Variants in LINGO1 observed in about 807,000 individuals in gnomAD.
The protein encoded by LINGO1 is leucine rich repeat and Ig domain containing 1.
A neutral mutation model predicts 37.3 loss-of-function variants in LINGO1; 11 were observed. The observed-to-expected ratio is 0.29, with a 90% CI of 0.19 to 0.49. The LOEUF (loss-of-function observed/expected upper bound fraction) is 0.49, where lower values mean the gene tolerates loss of function less well. Among genes scored for constraint, LINGO1 ranks in the 20% least tolerant of loss-of-function variants. The pLI, the probability that LINGO1 is intolerant of heterozygous loss-of-function variation, is 0.99. For missense variants in LINGO1, 585 were observed against 878.2 expected (o/e 0.67, Z 4.22); for synonymous variants, 387 against 403.0 (o/e 0.96, Z 0.48).
In LINGO1 at chr15:77,708,630, C is replaced by T. The variant is rs533225428; in HGVS notation, c.-194-17729G>A. Among the ~76,000 whole-genome samples, 33 of 152,302 alleles carry T rather than the reference C, an allele frequency of 2.2e-4. No homozygotes were observed. The East Asian group carries it at 5.8e-3, about 27-fold the overall frequency. On this transcript the variant is annotated intron_variant, in intron 2 of 3. Transcript: ENST00000561686. ...TATACAAGAAGTCAACTTGGCCGGG[C>T]GCGGTGGCTCATGCCTGTAATCCCA... is the stretch of plus-strand genomic sequence containing the variant.
chr15:77,800,489 A>T (rs2076909376), intron 1 of LINGO1, among the ~76,000 whole-genome samples: 1 of 152,138 alleles, frequency 6.6e-6, no homozygotes, highest in Non-Finnish European at 1.5e-5. Flanking sequence ...ATGGAGATGG[A>T]GCATGGACGG....
chr15:77,767,585 G>T (rs1567572393), intron 1 of LINGO1, among the ~76,000 whole-genome samples: 1 of 152,160 alleles, frequency 6.6e-6, no homozygotes, highest in Admixed American at 6.5e-5. Context: ...CTGCACAGAG[G>T]ATGTCAAAAT....
At chr15:77,685,360 A>C (rs1309047566) in intron 2 of LINGO1, among the ~76,000 whole-genome samples, 1 of 152,092 alleles carries the variant, frequency 6.6e-6, no homozygotes, top group Admixed American at 6.5e-5. Context: ...CCTGTGGACC[A>C]ATAACCCAAC....
At chr15:77,788,429 G>C (rs1296266607), upstream of LINGO1, 2 of 152,340 alleles carry the variant, frequency 1.3e-5, no homozygotes, top group African/African-American at 2.4e-5. Flanking sequence ...AGACCCAAAG[G>C]CCTTAGGGAA....
At chr15:77,641,899 G>C (rs2074515483) in intron 3 of LINGO1, 1 of 456,556 alleles carries the variant, frequency 2.2e-6, no homozygotes, top group African/African-American at 2.0e-5. Flanking sequence ...CTAGACACTG[G>C]GGTCAGACAC....
chr15:77,669,479 A>T (rs1216141108), intron 3 of LINGO1, among the ~76,000 whole-genome samples: 1 of 152,308 alleles, frequency 6.6e-6, no homozygotes, highest in East Asian at 1.9e-4. Context: ...AGAGAGGTAC[A>T]CACCAGAGGA....
intron 3 of LINGO1, chr15:77,646,238 A>G: frequency 3.6e-6 from 1 of 280,496 alleles, no homozygotes; most frequent in South Asian, 3.3e-5. Context: ...CACATCAAGG[A>G]AATGTGTCTG....
rs565628139 is a variant in LINGO1 at position 77,704,389 on chromosome 15, C to G, written c.-194-13488G>C. On this transcript the variant is annotated intron_variant, in intron 2 of 3. Transcript: ENST00000561686. ...ACGCTGGTCACATACTGAACCCCGA[C>G]CCTGATCACAGATTGAACCCCAACC... Among the ~76,000 whole-genome samples, 319 of 151,080 alleles carry G rather than the reference C, an allele frequency of 2.1e-3. 3 individuals are homozygous for G. Among genetic ancestry groups the G allele is most frequent in the African/African-American group, 7.7e-3 (311 of 40,576 alleles).
intron 3 of LINGO1, among the ~76,000 whole-genome samples, chr15:77,652,527 TGTG>T (rs1168657649): frequency 4.6e-4 from 69 of 149,072 alleles, no homozygotes; most frequent in African/African-American, 4.7e-4. Context: ...TGTGTGTGTG[TGTG>T]TTGCCAGAAT....
chr15:77,632,642 G>A lies in LINGO1; in HGVS notation c.-327C>T, dbSNP rs1162412864. On this transcript the variant is annotated 5_prime_UTR_variant, in exon 1 of 2. Transcript: ENST00000355300. This position sits in a 1 kb window ranked among gnomAD's most constrained non-coding sequence, Gnocchi z 6.0. ...CCCCCTGGGCCGGCCCGGAGCCGCCGCCGCCGCCTCTGCCGCTGGGGCCGG... is the reference window on the plus strand; with the variant it reads ...CCCCCTGGGCCGGCCCGGAGCCGCCACCGCCGCCTCTGCCGCTGGGGCCGG... Among the ~76,000 whole-genome samples the A allele has an allele frequency of 1.4e-5, 2 of 146,164 alleles. No individual in the cohort carries two copies. The highest frequency in any genetic ancestry group is 4.9e-5 in the African/African-American group (2 of 40,820).
chr15:77,806,789 C>T (rs1448584477), intron 1 of LINGO1, among the ~76,000 whole-genome samples: 3 of 152,066 alleles, frequency 2.0e-5, no homozygotes, highest in Non-Finnish European at 4.4e-5. Context: ...GGTCTCCAGG[C>T]TTGTCTCAAA....
chr15:77,697,646 C>A (rs958864150), upstream of LINGO1, among the ~76,000 whole-genome samples: 1 of 152,124 alleles, frequency 6.6e-6, no homozygotes, highest in Non-Finnish European at 1.5e-5. Context: ...GTACAAACAC[C>A]CTGAGCAGGG....
chr15:77,724,602 C>T (rs921737501), intron 2 of LINGO1, among the ~76,000 whole-genome samples: 1 of 152,234 alleles, frequency 6.6e-6, no homozygotes, highest in Non-Finnish European at 1.5e-5. Context: ...GCTCAGTTTC[C>T]TCATCTGTGA....
chr15:77,776,887 G>A (rs1596219016), intron 1 of LINGO1, among the ~76,000 whole-genome samples: 1 of 152,078 alleles, frequency 6.6e-6, no homozygotes, highest in South Asian at 2.1e-4. Flanking sequence ...TTATAGACAC[G>A]ACACTGAGGC....
At chr15:77,679,345 T>C (rs1255282661) in intron 2 of LINGO1, among the ~76,000 whole-genome samples, 2 of 152,204 alleles carry the variant, frequency 1.3e-5, no homozygotes, top group Admixed American at 1.3e-4. Context: ...ATCTCTTCCA[T>C]CACGTGTGAA....
chr15:77,617,007 C>A (rs1045959548), intron 1 of LINGO1, among the ~76,000 whole-genome samples: 1 of 152,164 alleles, frequency 6.6e-6, no homozygotes. Flanking sequence ...CCATCAGATT[C>A]CCACAGGCCA....
chr15:77,676,792 A>AACGCTGGG (rs1374186611), intron 3 of LINGO1, among the ~76,000 whole-genome samples: 1 of 152,238 alleles, frequency 6.6e-6, no homozygotes, highest in African/African-American at 2.4e-5. Context: ...ATAGGACAGC[A>AACGCTGGG]ACGCTGGGGT....
intron 3 of LINGO1, among the ~76,000 whole-genome samples, chr15:77,654,695 G>T (rs76503673): frequency 6.6e-6 from 1 of 152,088 alleles, no homozygotes; most frequent in East Asian, 1.9e-4. Context: ...GCTGGACAGC[G>T]CTGAGTTCTA....
chr15:77,770,250 T>A (rs559683134), intron 1 of LINGO1, among the ~76,000 whole-genome samples: 2 of 152,250 alleles, frequency 1.3e-5, no homozygotes, highest in Admixed American at 1.3e-4. Context: ...TCTGGTTGAA[T>A]CCTCACCACT....
Sources: allele counts gnomAD v4.1 joint callset (sites outside exome capture counted in the v4.1 genomes callset), GRCh38; gene constraint gnomAD v4.1.1; non-coding constraint Gnocchi (gnomAD v3.1); transcripts MANE v1.5; gene names NCBI Gene and HGNC (gene_info 2026-07-23, HGNC 2026-07-21).